RTL4: variants seen among roughly 807,000 people sequenced by gnomAD.
The protein encoded by RTL4 is retrotransposon Gag like 4, also known as retrotransposon Gag-like protein 4.
In RTL4, 4 loss-of-function variants were observed where a neutral mutation model predicts 5.3. That is an observed-to-expected ratio of 0.75 (90% CI 0.37 to 1.72). RTL4 has a LOEUF of 1.72. Among genes scored for constraint, RTL4 ranks in the 40% most tolerant of loss-of-function variants. The probability of loss-of-function intolerance (pLI) is 0.04; values close to 1 mark genes in which losing one functional copy is unlikely to be tolerated. For synonymous variants in RTL4, 98 were observed against 87.3 expected (o/e 1.12, Z -0.68); for missense variants, 260 against 227.1 (o/e 1.14, Z -0.93).
the RTL4 span, among the ~76,000 whole-genome samples, chrX:112,217,386 G>A: frequency 8.9e-6 from 1 of 111,838 alleles, no homozygotes; most frequent in Admixed American, 9.5e-5. Flanking sequence ...GTGGCTTATT[G>A]TCAACAGCAC....
chrX:112,196,046 A>G, the RTL4 span, among the ~76,000 whole-genome samples: 123 of 111,592 alleles, frequency 1.1e-3, no homozygotes, highest in African/African-American at 3.7e-3. Context: ...TAATATCACA[A>G]CCAGGATATT....
chrX:112,102,097 C>T, the RTL4 span, among the ~76,000 whole-genome samples: 1 of 111,348 alleles, frequency 9.0e-6, no homozygotes, highest in Non-Finnish European at 1.9e-5. Context: ...AACAAATATA[C>T]ATGAAAGCTT....
chrX:112,421,096 G>A, the RTL4 span, among the ~76,000 whole-genome samples: 4 of 110,820 alleles, frequency 3.6e-5, no homozygotes, highest in Admixed American at 9.6e-5. Context: ...CAGCTGTACC[G>A]GTGTTAGTAA....
chrX:112,445,990 A>G, the RTL4 span, among the ~76,000 whole-genome samples: 1 of 111,651 alleles, frequency 9.0e-6, no homozygotes, highest in Non-Finnish European at 1.9e-5. Context: ...TCAGACAATG[A>G]AAAGGAAGAG....
At chrX:112,295,713 C>T in the RTL4 span, among the ~76,000 whole-genome samples, 1 of 112,665 alleles carries the variant, frequency 8.9e-6, no homozygotes, top group Non-Finnish European at 1.9e-5. Flanking sequence ...CCAGAAAAAG[C>T]GAGCTTAATG....
chrX:112,185,594 T>C, the RTL4 span, among the ~76,000 whole-genome samples: 1 of 107,684 alleles, frequency 9.3e-6, no homozygotes, highest in African/African-American at 3.4e-5. Flanking sequence ...AAGGTAGATA[T>C]TAATAGTATG....
chrX:112,310,386 A>ATG, the RTL4 span, among the ~76,000 whole-genome samples: 2 of 20,122 alleles, frequency 9.9e-5, no homozygotes, highest in African/African-American at 3.6e-4. Context: ...ATATATATAT[A>ATG]TATATATATA....
the RTL4 span, among the ~76,000 whole-genome samples, chrX:112,162,508 G>C: frequency 1.8e-5 from 2 of 111,335 alleles, no homozygotes; most frequent in African/African-American, 6.5e-5. Context: ...TGTTATGACA[G>C]GGTTTGGTTT....
the RTL4 span, among the ~76,000 whole-genome samples, chrX:112,309,733 G>A: frequency 5.5e-5 from 6 of 108,402 alleles, no homozygotes; most frequent in East Asian, 5.9e-4. Flanking sequence ...CACCTGCTTC[G>A]GCCTCCCAAA....
the RTL4 span, among the ~76,000 whole-genome samples, chrX:112,334,822 A>C: frequency 1.8e-5 from 2 of 111,238 alleles, no homozygotes; most frequent in Non-Finnish European, 3.8e-5. Context: ...GTATCATTTA[A>C]ATTCTCTTGT....
At chrX:112,270,537 T>G in the RTL4 span, among the ~76,000 whole-genome samples, 1 of 111,859 alleles carries the variant, frequency 8.9e-6, no homozygotes, top group South Asian at 3.8e-4. Flanking sequence ...GTAAACTTTG[T>G]TAAGAAAAAG....
At chrX:112,086,571 G>T in the RTL4 span, among the ~76,000 whole-genome samples, 1 of 112,231 alleles carries the variant, frequency 8.9e-6, no homozygotes, top group Admixed American at 9.4e-5. Flanking sequence ...GCAGGAGAAA[G>T]CATGGAATAT....
At position 112,455,139 on chromosome X, in the gene RTL4, TA is replaced by T; in HGVS notation, c.414del (p.Lys138AsnfsTer10). The T allele has an allele frequency of 8.3e-7, 1 of 1,211,968 alleles. No individual in the cohort carries two copies. Among genetic ancestry groups the T allele is most frequent in the Non-Finnish European group, 1.1e-6 (1 of 895,582 alleles). On this transcript the variant is annotated frameshift_variant, in exon 1 of 1. Coordinates refer to ENST00000340433, the Ensembl canonical transcript of RTL4. LOFTEE classifies it low-confidence loss of function (END_TRUNC). ...TTCTTGAGTTCCAGCAGTCATTTGG[TA>T]AACCCACAAAACAGGAAATCAATCC...
the RTL4 span, among the ~76,000 whole-genome samples, chrX:112,436,967 T>C: frequency 2.7e-5 from 3 of 112,042 alleles, no homozygotes; most frequent in African/African-American, 9.7e-5. Context: ...TGGAGGATAC[T>C]TTATCCTTTG....
chrX:112,403,642 T>G, the RTL4 span, among the ~76,000 whole-genome samples: 1 of 112,307 alleles, frequency 8.9e-6, no homozygotes, highest in African/African-American at 3.2e-5. Context: ...TATTTATCGC[T>G]CCTGATATTT....
chrX:112,401,600 C>A, the RTL4 span, among the ~76,000 whole-genome samples: 1 of 98,786 alleles, frequency 1.0e-5, no homozygotes, highest in Admixed American at 1.1e-4. Flanking sequence ...TGAATACCCT[C>A]TTTAGAAAAA....
At chrX:112,209,945 G>A in the RTL4 span, among the ~76,000 whole-genome samples, 1 of 111,643 alleles carries the variant, frequency 9.0e-6, no homozygotes, top group African/African-American at 3.3e-5. Context: ...CACCTATGGG[G>A]GCCTGACAAA....
chrX:112,416,275 G>C, the RTL4 span, among the ~76,000 whole-genome samples: 2 of 111,933 alleles, frequency 1.8e-5, no homozygotes, highest in South Asian at 3.7e-4. Context: ...TGTAAAGACT[G>C]TATTTCCAAA....
the RTL4 span, among the ~76,000 whole-genome samples, chrX:112,176,663 A>G: frequency 8.9e-6 from 1 of 112,062 alleles, no homozygotes; most frequent in Non-Finnish European, 1.9e-5. Context: ...CACCTCAAAC[A>G]TTTATCTTTG....
Sources: allele counts gnomAD v4.1 joint callset (sites outside exome capture counted in the v4.1 genomes callset), GRCh38; gene constraint gnomAD v4.1.1; transcripts MANE v1.5; gene names NCBI Gene and HGNC (gene_info 2026-07-23, HGNC 2026-07-21).